The following PTPRC variants were observed in gnomAD, a reference collection of about 807,000 sequenced individuals.
PTPRC encodes receptor-type tyrosine-protein phosphatase C.
Under a neutral mutation model 155.9 loss-of-function variants are expected in PTPRC, and 44 were observed. The ratio of observed to expected loss-of-function variants is 0.28; its 90% CI spans 0.22 to 0.36. The LOEUF is 0.36. Among genes scored for constraint, PTPRC ranks in the 10% least tolerant of loss-of-function variants. The probability of loss-of-function intolerance (pLI) is 1.00; values close to 1 mark genes in which losing one functional copy is unlikely to be tolerated. For synonymous variants in PTPRC, 525 were observed against 533.1 expected (o/e 0.98, Z 0.21); for missense variants, 1,401 against 1,564.6 (o/e 0.90, Z 1.76).
chr1:198,749,332 T>A lies in PTPRC; in HGVS notation c.2939-84T>A, dbSNP rs572278413. The A allele has an allele frequency of 2.3e-4, 313 of 1,373,286 alleles. 3 individuals carry two copies. The East Asian group carries it at 5.8e-3, about 25-fold the overall frequency. 85.1% of individuals were successfully genotyped at this position (1,373,286 alleles called of 1,614,324 possible). A position where few individuals can be genotyped will look rare whatever the true frequency, so the allele number is the denominator to read the frequency against. On this transcript the variant is annotated intron_variant, in intron 27 of 32. Coordinates refer to ENST00000442510, the MANE Select transcript of PTPRC (RefSeq NM_002838.5). Reference sequence around the variant, plus strand: ...TTTCATAATACAATCTGTCCCTTTTTAAATACTTTCAAATTTCCACATGAC... The same window carrying A: ...TTTCATAATACAATCTGTCCCTTTTAAAATACTTTCAAATTTCCACATGAC...
chr1:198,723,161 A>T (rs948039604), intron 15 of PTPRC, among the ~76,000 whole-genome samples: 1 of 151,052 alleles, frequency 6.6e-6, no homozygotes, highest in East Asian at 1.9e-4. Context: ...CTCTTTCTAG[A>T]GTTACTAACA....
intron 2 of PTPRC, among the ~76,000 whole-genome samples, chr1:198,685,373 AG>A (rs1367668854): frequency 3.9e-5 from 6 of 151,936 alleles, no homozygotes; most frequent in African/African-American, 1.4e-4. Flanking sequence ...GATGCTTAAA[AG>A]AAAAAAAATA....
intron 2 of PTPRC, among the ~76,000 whole-genome samples, chr1:198,663,543 C>A (rs1571800029): frequency 6.6e-6 from 1 of 152,198 alleles, no homozygotes. Flanking sequence ...ATGGACAAAG[C>A]CCTGACCTGG....
intron 2 of PTPRC, among the ~76,000 whole-genome samples, chr1:198,655,685 A>G (rs943019629): frequency 4.6e-5 from 7 of 152,028 alleles, no homozygotes; most frequent in African/African-American, 1.4e-4. Flanking sequence ...CCTGTGGACA[A>G]TCTAGTTGGA....
In PTPRC at chr1:198,702,517, A is replaced by G. The variant is rs1666513783; in HGVS notation, c.570A>G (p.Thr190=). 3 of 1,614,200 alleles carry G rather than the reference A, an allele frequency of 1.9e-6. No individual in the cohort carries two copies. The highest frequency in any genetic ancestry group is 1.7e-6 in the Non-Finnish European group (2 of 1,180,036). The change falls in exon 6 of 33, where the codon ACA becomes ACG. Residue 190 remains threonine, a synonymous_variant. Coordinates refer to ENST00000442510, the MANE Select transcript of PTPRC (RefSeq NM_002838.5). ...LPARTSNTTI[T]ANTSDAYLNA... ...CACGCACCTCCAACACCACCATCAC[A>G]GCGAACACCTCAGGTCTGACTATGC... is the stretch of plus-strand genomic sequence containing the variant.
intron 2 of PTPRC, among the ~76,000 whole-genome samples, chr1:198,674,920 G>C (rs143375125): frequency 6.6e-6 from 1 of 152,110 alleles, no homozygotes; most frequent in East Asian, 1.9e-4. Context: ...TTTGAATTTT[G>C]CCCATTTTTC....
intron 23 of PTPRC, among the ~76,000 whole-genome samples, chr1:198,740,958 T>A (rs1028978123): frequency 6.6e-6 from 1 of 151,912 alleles, no homozygotes; most frequent in African/African-American, 2.4e-5. Context: ...ACTTAGTCTA[T>A]ATATCTCCGT....
In PTPRC at chr1:198,742,008, C is replaced by T. The variant is rs765136427; in HGVS notation, c.2543C>T (p.Pro848Leu). ...VNAFSNFFSG[P>L]IVVHCSAGVG... ...GCCTTCAGCAATTTCTTCAGTGGTC[C>T]CATTGTGGTGCACTGCAGGTAGGAA... The change falls in exon 24 of 33, where the codon CCC becomes CTC. Residue 848 changes from proline to leucine, a missense_variant. Transcript: ENST00000442510. 47 of 1,611,212 alleles carry T rather than the reference C, an allele frequency of 2.9e-5. No homozygotes were observed. The highest frequency in any genetic ancestry group is 1.6e-4 in the Middle Eastern group (1 of 6,070).
chr1:198,696,207 T>G (rs964124352), intron 3 of PTPRC, among the ~76,000 whole-genome samples: 2 of 150,534 alleles, frequency 1.3e-5, no homozygotes, highest in Non-Finnish European at 3.0e-5. Flanking sequence ...TTTTCATGGA[T>G]ATATATATAT....
Position 198,749,563 on chromosome 1 carries a change from T to C in PTPRC, c.3072+14T>C, listed in dbSNP as rs73087370. On this transcript the variant is annotated intron_variant, in intron 28 of 32. Transcript: ENST00000442510. Reference sequence around the variant, plus strand: ...TCTTTTATAATGGTAGGTACTTAAATTGCCAAAACCCAAGATCCAAACATT... The same window carrying C: ...TCTTTTATAATGGTAGGTACTTAAACTGCCAAAACCCAAGATCCAAACATT... 2,901 of 1,609,350 alleles carry C rather than the reference T, an allele frequency of 1.8e-3. 45 individuals carry two copies. In the African/African-American group the frequency reaches 0.032, roughly 18 times the overall value.
At chr1:198,701,249 T>G (rs1339174185) in intron 5 of PTPRC, among the ~76,000 whole-genome samples, 1 of 152,224 alleles carries the variant, frequency 6.6e-6, no homozygotes, top group Admixed American at 6.5e-5. Flanking sequence ...GCATTTTCAA[T>G]TCTAATGGAA....
At chr1:198,639,477 C>A in intron 2 of PTPRC, 136 bp downstream of exon 2, 1 of 674,404 alleles carries the variant, frequency 1.5e-6, no homozygotes, top group Non-Finnish European at 2.5e-6. Context: ...AGATTGTTGT[C>A]TCAGGGAGAC....
At chr1:198,665,293 G>A (rs536597662) in intron 2 of PTPRC, among the ~76,000 whole-genome samples, 4 of 150,698 alleles carry the variant, frequency 2.7e-5, no homozygotes, top group African/African-American at 7.3e-5. Context: ...TAGTAGAGAC[G>A]GGGTTTCACC....
At chr1:198,731,060 TAA>T (rs1654364158) in intron 17 of PTPRC, among the ~76,000 whole-genome samples, 1 of 152,116 alleles carries the variant, frequency 6.6e-6, no homozygotes, top group South Asian at 2.1e-4. Flanking sequence ...TAATCTTCAG[TAA>T]GTTATTTCAC....
In PTPRC at chr1:198,741,997, C is replaced by A; in HGVS notation, c.2532C>A (p.Phe844Leu). Reference sequence around the variant, plus strand: ...GGAGAGTGAATGCCTTCAGCAATTTCTTCAGTGGTCCCATTGTGGTGCACT... The same window carrying A: ...GGAGAGTGAATGCCTTCAGCAATTTATTCAGTGGTCCCATTGTGGTGCACT... ...LRRRVNAFSN[F>L]FSGPIVVHCS... Residue 844 changes from phenylalanine to leucine, a missense_variant, in exon 24 of 33, where the codon TTC (phenylalanine) becomes TTA (leucine). Physicochemically the swap from Phe to Leu is conservative, Grantham distance 22. Around this residue, in one of 3 missense-constraint regions of PTPRC, gnomAD observed 134 missense variants for 204.7 expected, o/e 0.65. Coordinates refer to ENST00000442510, the MANE Select transcript of PTPRC (RefSeq NM_002838.5). The A allele has an allele frequency of 6.2e-7, 1 of 1,611,274 alleles. No individual in the cohort carries two copies. The highest frequency in any genetic ancestry group is 1.1e-5 in the South Asian group (1 of 91,016).
At chr1:198,708,942 C>T (rs554355791) in intron 10 of PTPRC, among the ~76,000 whole-genome samples, 1 of 152,348 alleles carries the variant, frequency 6.6e-6, no homozygotes, top group South Asian at 2.1e-4. Context: ...TCCACAGCTA[C>T]ACACATAGAG....
At chr1:198,656,553 G>C (rs1039051585) in intron 2 of PTPRC, among the ~76,000 whole-genome samples, 1 of 151,976 alleles carries the variant, frequency 6.6e-6, no homozygotes, top group African/African-American at 2.4e-5. Flanking sequence ...TATGAGCTAT[G>C]AAGGCACAAT....
intron 2 of PTPRC, among the ~76,000 whole-genome samples, chr1:198,648,109 T>C (rs1663033417): frequency 6.6e-6 from 1 of 151,964 alleles, no homozygotes; most frequent in Non-Finnish European, 1.5e-5. Flanking sequence ...TGCAGACTTT[T>C]AAATTATGGA....
intron 31 of PTPRC, among the ~76,000 whole-genome samples, chr1:198,753,936 T>TATCTA (rs1655501827): frequency 6.6e-6 from 1 of 152,100 alleles, no homozygotes; most frequent in Non-Finnish European, 1.5e-5. Flanking sequence ...TTGGTTTCCT[T>TATCTA]ATCTATCATA....
Sources: allele counts gnomAD v4.1 joint callset (sites outside exome capture counted in the v4.1 genomes callset), GRCh38; gene constraint gnomAD v4.1.1; regional missense constraint gnomAD v4.1.1; transcripts MANE v1.5; gene names NCBI Gene and HGNC (gene_info 2026-07-23, HGNC 2026-07-21).